The following SENP8 variants were observed in gnomAD, a reference collection of about 807,000 sequenced individuals.
SENP8 encodes SUMO peptidase family member, NEDD8 specific.
SENP8 carries 10 observed loss-of-function variants against 14.4 expected under a neutral mutation model. The ratio of observed to expected loss-of-function variants is 0.69; its 90% CI spans 0.43 to 1.18. SENP8 has a LOEUF of 1.18. Ranked by LOEUF, SENP8 falls within the 50% of genes most tolerant of loss-of-function variation. SENP8 has a pLI of 0.00. For missense variants in SENP8, 202 were observed against 249.4 expected, an observed-to-expected ratio of 0.81 and a Z score of 1.28; for synonymous variants, 94 against 95.5, an observed-to-expected ratio of 0.98 and a Z score of 0.09.
intron 1 of SENP8, among the ~76,000 whole-genome samples, chr15:72,130,977 AG>A (rs1424330731): frequency 6.6e-6 from 1 of 152,206 alleles, no homozygotes; most frequent in African/African-American, 2.4e-5. Context: ...CTTAGACATC[AG>A]AATAACTTGG....
At chr15:72,114,926 A>C (rs987719279), upstream of SENP8, among the ~76,000 whole-genome samples, 1 of 152,252 alleles carries the variant, frequency 6.6e-6, no homozygotes, top group African/African-American at 2.4e-5. Flanking sequence ...TTTCTCTGCT[A>C]TTAAAGACTG....
At chr15:72,126,258 A>C (rs907064392) in intron 1 of SENP8, among the ~76,000 whole-genome samples, 18 of 152,158 alleles carry the variant, frequency 1.2e-4, no homozygotes, top group Admixed American at 1.1e-3. Flanking sequence ...CTTCAGTCAC[A>C]CTGACCATAT....
upstream of SENP8, among the ~76,000 whole-genome samples, chr15:72,114,897 T>C (rs180872306): frequency 3.8e-4 from 58 of 152,340 alleles, no homozygotes; most frequent in East Asian, 9.6e-3. Context: ...TGGCAAATCA[T>C]ATTTTCAAAC....
At chr15:72,133,243 A>G (rs1308342657) in intron 1 of SENP8, among the ~76,000 whole-genome samples, 1 of 152,216 alleles carries the variant, frequency 6.6e-6, no homozygotes, top group Non-Finnish European at 1.5e-5. Context: ...TATATATTAT[A>G]GCTGAATTAT....
intron 1 of SENP8, among the ~76,000 whole-genome samples, chr15:72,119,258 A>G (rs938679523): frequency 2.6e-5 from 4 of 152,214 alleles, no homozygotes; most frequent in African/African-American, 7.2e-5. Flanking sequence ...GCAACCTTGT[A>G]TGTGCATTTG....
chr15:72,129,425 C>T (rs2081250207), intron 1 of SENP8, among the ~76,000 whole-genome samples: 1 of 151,578 alleles, frequency 6.6e-6, no homozygotes, highest in Non-Finnish European at 1.5e-5. Flanking sequence ...TGCAATGGTG[C>T]CATTTCGGCT....
Position 72,140,159 on chromosome 15 carries a change from T to A in SENP8, c.536T>A (p.Phe179Tyr). 1 of 1,614,162 alleles carries A rather than the reference T, an allele frequency of 6.2e-7. No individual in the cohort carries two copies. The highest frequency in any genetic ancestry group is 8.5e-7 in the Non-Finnish European group (1 of 1,180,020). ...CNTEALCQNF[F>Y]RQQTESLLQL... ...ACTGAGGCCTTGTGTCAGAACTTCT[T>A]TAGGCAACAGACAGAATCACTGCTG... Residue 179 changes from phenylalanine to tyrosine, a missense_variant, in exon 2 of 2, where the codon TTT becomes TAT. Phe to Tyr is a conservative substitution (Grantham distance 22). Coordinates refer to ENST00000340912, the MANE Select transcript of SENP8 (RefSeq NM_145204.4).
rs1423624220 is a variant in SENP8, at chr15:72,141,279, A to T, written c.*1017A>T. The T allele has an allele frequency of 2.6e-5, 4 of 152,202 alleles. No homozygotes were observed. Among genetic ancestry groups the T allele is most frequent in the African/African-American group, 9.6e-5 (4 of 41,466 alleles). The allele number at this position is 152,202 out of a possible 1,614,324, so 9.4% of individuals were successfully genotyped here. On this transcript the variant is annotated 3_prime_UTR_variant, in exon 2 of 2. Transcript: ENST00000340912. ...TTGGTTTGTTTTTTAAATATAAAGGAAGAAAAGTGACCTTTCTCAGCCCTT... is the reference window on the plus strand; with the variant it reads ...TTGGTTTGTTTTTTAAATATAAAGGTAGAAAAGTGACCTTTCTCAGCCCTT...
intron 1 of SENP8, chr15:72,134,902 T>C (rs541547584): frequency 7.0e-6 from 2 of 285,996 alleles, no homozygotes; most frequent in Admixed American, 3.8e-5. Context: ...CCAAGAGAAT[T>C]AACGTGCATA....
intron 1 of SENP8, among the ~76,000 whole-genome samples, chr15:72,131,583 C>T (rs2081273987): frequency 6.6e-6 from 1 of 151,910 alleles, no homozygotes; most frequent in South Asian, 2.1e-4. Context: ...AAGTAATCTC[C>T]TTCTATTAAA....
chr15:72,134,622 T>C, intron 1 of SENP8: 2 of 184,946 alleles, frequency 1.1e-5, no homozygotes, highest in Non-Finnish European at 2.4e-5. Flanking sequence ...CAAAATGCCA[T>C]CTTCCAGTAA....
chr15:72,119,412 T>G (rs2081125540), intron 1 of SENP8, among the ~76,000 whole-genome samples: 1 of 152,210 alleles, frequency 6.6e-6, no homozygotes, highest in African/African-American at 2.4e-5. Flanking sequence ...CTCACTAAAC[T>G]AGAGAGAAGG....
chr15:72,128,871 T>G (rs1382223310), intron 1 of SENP8, among the ~76,000 whole-genome samples: 1 of 152,240 alleles, frequency 6.6e-6, no homozygotes, highest in Non-Finnish European at 1.5e-5. Context: ...CAACTGACTT[T>G]TATAATCTGC....
intron 1 of SENP8, among the ~76,000 whole-genome samples, chr15:72,130,588 A>C (rs902778992): frequency 8.2e-6 from 1 of 122,564 alleles, no homozygotes; most frequent in African/African-American, 3.0e-5. Context: ...TTTGAGACAG[A>C]GTTTCGCCCT....
At chr15:72,130,941 G>C (rs1185490715) in intron 1 of SENP8, among the ~76,000 whole-genome samples, 2 of 152,184 alleles carry the variant, frequency 1.3e-5, no homozygotes, top group African/African-American at 4.8e-5. Flanking sequence ...AGAGCTAGTG[G>C]AAACTTAGAA....
At position 72,138,935 on chromosome 15, in the gene SENP8, A is replaced by G. The variant is rs562522113; in HGVS notation, c.-47-642A>G. ...AGCTGAGATCGTGCCACTGCACTCC[A>G]ATCTGGGCGACAGAGTGTGACTCCA... On this transcript the variant is annotated intron_variant, in intron 1 of 1. Transcript: ENST00000340912. Among the ~76,000 whole-genome samples the G allele has an allele frequency of 1.7e-4, 26 of 150,120 alleles. No homozygotes were observed. The East Asian group carries it at 4.2e-3, about 24-fold the overall frequency.
At chr15:72,138,534 G>A (rs1401072763) in intron 1 of SENP8, among the ~76,000 whole-genome samples, 21 of 151,022 alleles carry the variant, frequency 1.4e-4, no homozygotes, top group Admixed American at 1.4e-3. Context: ...ATTTTTAGTA[G>A]AGATGGGGTT....
At chr15:72,118,881 T>C (rs1301889787) in intron 1 of SENP8, among the ~76,000 whole-genome samples, 1 of 152,030 alleles carries the variant, frequency 6.6e-6, no homozygotes, top group Non-Finnish European at 1.5e-5. Flanking sequence ...GAGGATAACG[T>C]GAGGAAGCCC....
At chr15:72,118,234 G>C (rs2081080374), upstream of SENP8, 1 of 334,272 alleles carries the variant, frequency 3.0e-6, no homozygotes, top group Non-Finnish European at 5.4e-6. Context: ...GGAGAGTACA[G>C]CGTGCGCTTG....
Sources: allele counts gnomAD v4.1 joint callset (sites outside exome capture counted in the v4.1 genomes callset), GRCh38; gene constraint gnomAD v4.1.1; transcripts MANE v1.5; gene names NCBI Gene and HGNC (gene_info 2026-07-23, HGNC 2026-07-21).